The following MARCHF1 variants were observed in gnomAD, a reference collection of about 807,000 sequenced individuals.
The protein encoded by MARCHF1 is E3 ubiquitin-protein ligase MARCHF1.
In MARCHF1, 40 loss-of-function variants were observed where a neutral mutation model predicts 54.2. The ratio of observed to expected loss-of-function variants is 0.74; its 90% CI spans 0.57 to 0.96. MARCHF1 has a LOEUF of 0.96. Ranked by LOEUF, MARCHF1 falls within the 40% of genes least tolerant of loss-of-function variation. MARCHF1 has a pLI of 0.00. For synonymous variants in MARCHF1, 236 were observed against 236.3 expected, an observed-to-expected ratio of 1.00 and a Z score of 0.01; for missense variants, 586 against 656.5, an observed-to-expected ratio of 0.89 and a Z score of 1.17.
In MARCHF1 at chr4:163,721,625, T is replaced by A. The variant is rs1441726751; in HGVS notation, c.112-20762A>T. Among the ~76,000 whole-genome samples, 3 of 152,200 alleles carry A rather than the reference T, an allele frequency of 2.0e-5. No homozygotes were observed. The East Asian group carries it at 5.8e-4, about 29-fold the overall frequency. On this transcript the variant is annotated intron_variant, in intron 4 of 9. Transcript: ENST00000514618. ...AATGGTACCAGCTCCTCCTTGTACC[T>A]ATGGTAGAATTCGGCTGTAAATCCA... is the stretch of plus-strand genomic sequence containing the variant.
At chr4:164,106,937 C>G (rs1221649411) in intron 2 of MARCHF1, among the ~76,000 whole-genome samples, 1 of 152,130 alleles carries the variant, frequency 6.6e-6, no homozygotes, top group East Asian at 1.9e-4. Context: ...AAGGCTGATA[C>G]AAGAAACAAC....
intron 1 of MARCHF1, among the ~76,000 whole-genome samples, chr4:164,369,655 T>C (rs1730979480): frequency 1.3e-5 from 2 of 152,306 alleles, no homozygotes; most frequent in East Asian, 3.9e-4. Flanking sequence ...ACTTACGTAC[T>C]ATAATGTACC....
At chr4:163,842,207 T>C (rs1180484672) in intron 4 of MARCHF1, among the ~76,000 whole-genome samples, 2 of 152,112 alleles carry the variant, frequency 1.3e-5, no homozygotes, top group East Asian at 3.9e-4. Context: ...CAGCCAGCCA[T>C]ATCATGTATA....
At chr4:163,952,985 A>G (rs1752162710) in intron 3 of MARCHF1, among the ~76,000 whole-genome samples, 1 of 152,196 alleles carries the variant, frequency 6.6e-6, no homozygotes, top group South Asian at 2.1e-4. Flanking sequence ...GCAAAGAAAG[A>G]TAAAGTCAAG....
At chr4:164,294,639 GT>G (rs1436544436) in intron 1 of MARCHF1, among the ~76,000 whole-genome samples, 1 of 151,630 alleles carries the variant, frequency 6.6e-6, no homozygotes, top group Admixed American at 6.6e-5. Flanking sequence ...TATTCTTATC[GT>G]CAATTAAGAT....
At chr4:164,227,708 C>T (rs185261182) in intron 1 of MARCHF1, among the ~76,000 whole-genome samples, 1 of 151,950 alleles carries the variant, frequency 6.6e-6, no homozygotes, top group Non-Finnish European at 1.5e-5. Flanking sequence ...TGTACCTACT[C>T]AATGTTGTTA....
Position 163,845,460 on chromosome 4 carries a change from TACACACACACACACAC to T in MARCHF1, c.111+8545_111+8560del, listed in dbSNP as rs10611765. The stretch of plus-strand genomic sequence containing the variant: ...ATGGGGAGAGACAATGCACCTCAGT[TACACACACACACACAC>T]ACACACACACACACACACACACACA... On this transcript the variant is annotated intron_variant, in intron 4 of 9. Transcript: ENST00000514618. Among the ~76,000 whole-genome samples, 30 of 137,600 alleles carry T rather than the reference TACACACACACACACAC, an allele frequency of 2.2e-4. 1 individual carries two copies. The highest frequency in any genetic ancestry group is 8.6e-4 in the East Asian group (4 of 4,654). 90.3% of individuals were successfully genotyped at this position (137,600 alleles called of 152,430 possible). A position where few individuals can be genotyped will look rare whatever the true frequency, so the allele number is the denominator to read the frequency against.
chr4:164,280,642 G>A (rs185456388), intron 1 of MARCHF1, among the ~76,000 whole-genome samples: 1 of 151,970 alleles, frequency 6.6e-6, no homozygotes, highest in African/African-American at 2.4e-5. Flanking sequence ...ATAGAAGGCT[G>A]GTTGGTTTTC....
chr4:163,932,763 C>G (rs985746368), intron 3 of MARCHF1: 1 of 570,290 alleles, frequency 1.8e-6, no homozygotes, highest in African/African-American at 1.9e-5. Flanking sequence ...TAAGGACTAC[C>G]AGGAGAAAGT....
At chr4:164,211,357 C>CTATATATAT (rs1560956008) in intron 1 of MARCHF1, among the ~76,000 whole-genome samples, 289 of 100,134 alleles carry the variant, frequency 2.9e-3, no homozygotes, top group Admixed American at 3.4e-3. Flanking sequence ...ATATATATAC[C>CTATATATAT]ACATTGCAAC....
intron 4 of MARCHF1, among the ~76,000 whole-genome samples, chr4:163,810,730 T>C (rs1355122461): frequency 6.6e-6 from 1 of 151,888 alleles, no homozygotes; most frequent in Non-Finnish European, 1.5e-5. Context: ...GAAGTGTTAA[T>C]GTTTTAATAA....
chr4:163,698,814 GT>G, intron 5 of MARCHF1, among the ~76,000 whole-genome samples: 1 of 152,292 alleles, frequency 6.6e-6, no homozygotes, highest in South Asian at 2.1e-4. Flanking sequence ...CTGTTTACAA[GT>G]TTTTTGGTCA....
chr4:163,820,037 T>C (rs1302008157), intron 4 of MARCHF1, among the ~76,000 whole-genome samples: 1 of 152,138 alleles, frequency 6.6e-6, no homozygotes, highest in Admixed American at 6.6e-5. Context: ...TCCTGTGTTC[T>C]CCTCCAGCGA....
intron 2 of MARCHF1, among the ~76,000 whole-genome samples, chr4:164,001,237 C>T (rs1417721019): frequency 2.0e-5 from 3 of 151,706 alleles, no homozygotes; most frequent in Non-Finnish European, 4.4e-5. Flanking sequence ...TTAGTAACTT[C>T]TCTTGTGGCC....
chr4:163,635,310 C>A (rs1414708415), intron 5 of MARCHF1, among the ~76,000 whole-genome samples: 1 of 147,030 alleles, frequency 6.8e-6, no homozygotes, highest in African/African-American at 2.6e-5. Flanking sequence ...AATCCAGGAG[C>A]TGGTTTTTTG....
At chr4:163,823,341 A>G (rs1466655841) in intron 4 of MARCHF1, among the ~76,000 whole-genome samples, 1 of 151,890 alleles carries the variant, frequency 6.6e-6, no homozygotes, top group Admixed American at 6.6e-5. Flanking sequence ...TAGTTGATAT[A>G]TGATAGAATC....
chr4:164,136,264 T>G (rs1157862911), intron 1 of MARCHF1, among the ~76,000 whole-genome samples: 1 of 110,294 alleles, frequency 9.1e-6, no homozygotes, highest in Non-Finnish European at 1.9e-5. Context: ...CAGCAAACAG[T>G]TGAAGTGGAA....
chr4:163,883,227 ATATGTG>A (rs1750455342), intron 3 of MARCHF1, among the ~76,000 whole-genome samples: 1 of 134,104 alleles, frequency 7.5e-6, no homozygotes, highest in Admixed American at 8.5e-5. Context: ...AGATATATAT[ATATGTG>A]TATATGTGTG....
At chr4:163,881,153 A>G (rs1188818264) in intron 3 of MARCHF1, among the ~76,000 whole-genome samples, 1 of 152,186 alleles carries the variant, frequency 6.6e-6, no homozygotes, top group Non-Finnish European at 1.5e-5. Context: ...ACAGAATTCA[A>G]TTCACATTGT....
Sources: gnomAD v4.1 joint callset for allele counts (sites outside exome capture counted in the v4.1 genomes callset) on GRCh38, gnomAD v4.1.1 for gene constraint, MANE v1.5 for transcripts, NCBI Gene and HGNC (gene_info 2026-07-23, HGNC 2026-07-21) for gene names.